CADM1: variants seen among roughly 807,000 people sequenced by gnomAD.
CADM1 encodes cell adhesion molecule 1.
In CADM1, 15 loss-of-function variants were observed where a neutral mutation model predicts 53.1. The ratio of observed to expected loss-of-function variants is 0.28; its 90% CI spans 0.19 to 0.44. The LOEUF is 0.44. CADM1 is among the 20% of genes least tolerant of loss of function. The pLI, the probability that CADM1 is intolerant of heterozygous loss-of-function variation, is 1.00. For missense variants in CADM1, 434 were observed against 611.3 expected, an observed-to-expected ratio of 0.71 and a Z score of 3.06; for synonymous variants, 281 against 243.0, an observed-to-expected ratio of 1.16 and a Z score of -1.45.
At position 115,174,760 on chromosome 11, in the gene CADM1, T is replaced by G. The variant is rs1156433856; in HGVS notation, c.*1714A>C. ...TAGAATATATATTTATATATATATA[T>G]AGATCTATCTTTTTTGATGCCATCT... On this transcript the variant is annotated 3_prime_UTR_variant, in exon 12 of 12. Transcript: ENST00000331581. 2.3e-6 allele frequency: 2 copies of G among 881,770 alleles called. No individual in the cohort carries two copies. 54.6% of individuals were successfully genotyped at this position (881,770 alleles called of 1,614,324 possible).
intron 1 of CADM1, among the ~76,000 whole-genome samples, chr11:115,332,829 A>G (rs932181813): frequency 2.0e-5 from 3 of 152,116 alleles, no homozygotes; most frequent in African/African-American, 7.2e-5. Flanking sequence ...AGGGTTAAAA[A>G]ATATATTTAA....
intron 1 of CADM1, among the ~76,000 whole-genome samples, chr11:115,312,231 G>T (rs773825908): frequency 6.6e-6 from 1 of 152,110 alleles, no homozygotes; most frequent in Non-Finnish European, 1.5e-5. Context: ...CTCCAATGCC[G>T]CTTTATTTAA....
rs1272369640 is a variant in CADM1 at position 115,174,259 on chromosome 11, T to C, written c.*2215A>G. On this transcript the variant is annotated 3_prime_UTR_variant, in exon 12 of 12. Coordinates refer to ENST00000331581, the MANE Select transcript of CADM1 (RefSeq NM_001301043.2). ...AATGAGATGCCAATTCTGTGAGCAA[T>C]GGTGTGATTTTTTTTTTTTGTTTTT... 7.3e-6 allele frequency: 7 copies of C among 965,114 alleles called. No individual in the cohort carries two copies. Among genetic ancestry groups the C allele is most frequent in the African/African-American group, 3.9e-5 (2 of 51,558 alleles). The allele number at this position is 965,114 out of a possible 1,614,324, so 59.8% of individuals were successfully genotyped here.
intron 1 of CADM1, among the ~76,000 whole-genome samples, chr11:115,385,820 A>G (rs1946686733): frequency 6.6e-6 from 1 of 152,180 alleles, no homozygotes; most frequent in Non-Finnish European, 1.5e-5. Flanking sequence ...CTAAATTTCT[A>G]AGTTCTTTGA....
intron 1 of CADM1, among the ~76,000 whole-genome samples, chr11:115,434,203 T>A (rs956242270): frequency 6.6e-6 from 1 of 152,196 alleles, no homozygotes; most frequent in African/African-American, 2.4e-5. Context: ...TTTATTTTTT[T>A]ATCACTCCTC....
chr11:115,472,486 C>T (rs373409482), intron 1 of CADM1, among the ~76,000 whole-genome samples: 15 of 152,142 alleles, frequency 9.9e-5, no homozygotes, highest in Admixed American at 2.0e-4. Context: ...TGCACATGCA[C>T]GTGCACATGC....
chr11:115,430,045 A>T (rs1948004332), intron 1 of CADM1, among the ~76,000 whole-genome samples: 1 of 152,220 alleles, frequency 6.6e-6, no homozygotes, highest in Non-Finnish European at 1.5e-5. Context: ...AAATGTCAAA[A>T]AAAAAATCAT....
At chr11:115,425,231 A>G (rs1947861230) in intron 1 of CADM1, among the ~76,000 whole-genome samples, 2 of 152,248 alleles carry the variant, frequency 1.3e-5, no homozygotes, top group African/African-American at 4.8e-5. Flanking sequence ...TTGATAATAT[A>G]AATCAAACTC....
At chr11:115,288,306 T>C (rs750977899) in intron 1 of CADM1, among the ~76,000 whole-genome samples, 9 of 152,174 alleles carry the variant, frequency 5.9e-5, no homozygotes, top group Non-Finnish European at 1.0e-4. Context: ...AATACTTTTC[T>C]TCCAGAAGTC....
chr11:115,466,345 T>G (rs1948898307), intron 1 of CADM1, among the ~76,000 whole-genome samples: 1 of 152,182 alleles, frequency 6.6e-6, no homozygotes, highest in Non-Finnish European at 1.5e-5. Flanking sequence ...TATCTACCAA[T>G]TAGTAAACCG....
At chr11:115,319,396 A>C (rs1479184533) in intron 1 of CADM1, among the ~76,000 whole-genome samples, 1 of 152,182 alleles carries the variant, frequency 6.6e-6, no homozygotes, top group South Asian at 2.1e-4. Flanking sequence ...AGAAAAAAGA[A>C]GGCTGAATTC....
At chr11:115,306,885 G>A (rs1310933095) in intron 1 of CADM1, among the ~76,000 whole-genome samples, 1 of 151,878 alleles carries the variant, frequency 6.6e-6, no homozygotes, top group African/African-American at 2.4e-5. Context: ...TCATTACTGG[G>A]CCTCAGTAAA....
intron 3 of CADM1, among the ~76,000 whole-genome samples, chr11:115,232,945 T>C (rs982511200): frequency 1.6e-4 from 24 of 152,240 alleles, no homozygotes; most frequent in Non-Finnish European, 2.9e-5. Flanking sequence ...AAATCTCTGA[T>C]ACTGCTTCAA....
chr11:115,412,368 A>T (rs1947479420), intron 1 of CADM1, among the ~76,000 whole-genome samples: 1 of 152,060 alleles, frequency 6.6e-6, no homozygotes, highest in East Asian at 1.9e-4. Flanking sequence ...CTAATTTTTT[A>T]AAATTTTTTT....
At chr11:115,180,087 C>G (rs117579116) in intron 10 of CADM1, among the ~76,000 whole-genome samples, 1 of 152,152 alleles carries the variant, frequency 6.6e-6, no homozygotes, top group African/African-American at 2.4e-5. Flanking sequence ...TGTACAGATC[C>G]GTGACAGCTA....
intron 1 of CADM1, among the ~76,000 whole-genome samples, chr11:115,387,729 G>T (rs537036143): frequency 8.6e-5 from 13 of 152,042 alleles, no homozygotes; most frequent in South Asian, 2.1e-4. Context: ...TTTGAACTTG[G>T]AAGTATTAGT....
At chr11:115,314,337 A>G (rs1317083842) in intron 1 of CADM1, among the ~76,000 whole-genome samples, 2 of 152,110 alleles carry the variant, frequency 1.3e-5, no homozygotes, top group Non-Finnish European at 2.9e-5. Flanking sequence ...ATGCATCAAC[A>G]TGGTTGCCTT....
intron 1 of CADM1, among the ~76,000 whole-genome samples, chr11:115,281,841 T>C (rs1159968349): frequency 6.6e-6 from 1 of 152,082 alleles, no homozygotes; most frequent in Non-Finnish European, 1.5e-5. Context: ...TTTAAAATCA[T>C]AATACTATAT....
intron 7 of CADM1, among the ~76,000 whole-genome samples, chr11:115,211,016 C>A (rs956612164): frequency 3.4e-5 from 5 of 148,980 alleles, no homozygotes; most frequent in Admixed American, 2.0e-4. Context: ...AGCAGCCTCA[C>A]GTGAGTCCAA....
Sources: allele counts gnomAD v4.1 joint callset (sites outside exome capture counted in the v4.1 genomes callset), GRCh38; gene constraint gnomAD v4.1.1; transcripts MANE v1.5; gene names NCBI Gene and HGNC (gene_info 2026-07-23, HGNC 2026-07-21).